Variants in SHANK2 observed in about 807,000 individuals in gnomAD.
SHANK2 encodes the protein SH3 and multiple ankyrin repeat domains protein 2.
Under a neutral mutation model 133.7 loss-of-function variants are expected in SHANK2, and 43 were observed. That is an observed-to-expected ratio of 0.32 (90% CI 0.25 to 0.41). The LOEUF (loss-of-function observed/expected upper bound fraction) is 0.41. Ranked by LOEUF, SHANK2 falls within the 10% of genes least tolerant of loss-of-function variation. The probability of loss-of-function intolerance (pLI) is 1.00; values close to 1 mark genes in which losing one functional copy is unlikely to be tolerated. For synonymous variants in SHANK2, 1,017 were observed against 952.8 expected (o/e 1.07, Z -1.24); for missense variants, 1,994 against 2,235.8 (o/e 0.89, Z 2.18).
intron 2 of SHANK2, among the ~76,000 whole-genome samples, chr11:71,151,841 C>A (rs1555108151): frequency 6.6e-6 from 1 of 152,082 alleles, no homozygotes; most frequent in Non-Finnish European, 1.5e-5. Context: ...TGTAGGAAGC[C>A]CCCCCTCAGT....
chr11:70,893,607 T>C (rs532621323), intron 11 of SHANK2, among the ~76,000 whole-genome samples: 1 of 152,398 alleles, frequency 6.6e-6, no homozygotes, highest in South Asian at 2.1e-4. Context: ...GCCAGTTTGC[T>C]AGTTCATAAT....
chr11:71,247,539 C>T (rs1555125185), intron 1 of SHANK2, among the ~76,000 whole-genome samples: 1 of 151,348 alleles, frequency 6.6e-6, no homozygotes. Context: ...AAGAGGCAGG[C>T]CCCAGCCCAG....
intron 14 of SHANK2, among the ~76,000 whole-genome samples, chr11:70,780,950 T>C (rs1489133758): frequency 2.0e-5 from 3 of 152,058 alleles, no homozygotes; most frequent in African/African-American, 7.2e-5. Context: ...GCAGGAGATT[T>C]CCCTCTTAAC....
intron 17 of SHANK2, among the ~76,000 whole-genome samples, chr11:70,596,008 G>A (rs57553253): frequency 0.16 from 24,272 of 152,212 alleles, 2,458 homozygotes; most frequent in East Asian, 0.39. Context: ...CCACCTCCAC[G>A]CCAAGGCATC....
At chr11:70,693,489 C>T (rs1461663185) in intron 15 of SHANK2, among the ~76,000 whole-genome samples, 1 of 152,132 alleles carries the variant, frequency 6.6e-6, no homozygotes, top group Non-Finnish European at 1.5e-5. Flanking sequence ...GAGACACTCC[C>T]TCCCTGGCAT....
In SHANK2 at chr11:71,093,998, G is replaced by A. The variant is rs576091896; in HGVS notation, c.744+539C>T. Among the ~76,000 whole-genome samples the A allele has an allele frequency of 1.2e-3, 185 of 152,234 alleles. 2 individuals carry two copies. Among genetic ancestry groups the A allele is most frequent in the African/African-American group, 4.1e-3 (172 of 41,538 alleles). On this transcript the variant is annotated intron_variant, in intron 7 of 25. Transcript: ENST00000601538. ...GAGCAGTAAGACAGCAGCAGGGGAA[G>A]GTGAGGCGCGGAACCCACAACAGGG... is the stretch of plus-strand genomic sequence containing the variant.
At chr11:71,224,351 T>C (rs964574715) in intron 2 of SHANK2, among the ~76,000 whole-genome samples, 8 of 151,942 alleles carry the variant, frequency 5.3e-5, no homozygotes, top group African/African-American at 1.9e-4. Context: ...CGCACCCCCG[T>C]TCATGTGAAA....
In SHANK2 at chr11:70,858,213, C is replaced by A. The variant is rs555805995; in HGVS notation, c.1175-37531G>T. Among the ~76,000 whole-genome samples the A allele has an allele frequency of 2.0e-5, 3 of 152,316 alleles. No homozygotes were observed. In the East Asian group the frequency reaches 5.8e-4, roughly 29 times the overall value. On this transcript the variant is annotated intron_variant, in intron 11 of 25. Transcript: ENST00000601538. ...TGCTTCCTGTCCCCTGTTCATAATCCATTTTAAATGAAGTCATCAAAATTC... is the reference window on the plus strand; with the variant it reads ...TGCTTCCTGTCCCCTGTTCATAATCAATTTTAAATGAAGTCATCAAAATTC...
At chr11:70,692,007 G>T (rs1945299855) in intron 15 of SHANK2, among the ~76,000 whole-genome samples, 1 of 152,306 alleles carries the variant, frequency 6.6e-6, no homozygotes, top group East Asian at 1.9e-4. Flanking sequence ...CGCCATGGGG[G>T]CTTCCAAATT....
chr11:71,086,015 TAACATATTA>T (rs1951398781), intron 8 of SHANK2, among the ~76,000 whole-genome samples: 3 of 86,180 alleles, frequency 3.5e-5, no homozygotes, highest in African/African-American at 1.5e-4. Flanking sequence ...TTATTATATA[TAACATATTA>T]TATGTTATAT....
chr11:70,898,311 C>CACACAT lies in SHANK2; in HGVS notation c.1108-1745_1108-1744insATGTGT, dbSNP rs1489858585. 2.3e-4 allele frequency among the ~76,000 whole-genome samples: 33 copies of CACACAT among 145,182 alleles called. No homozygotes were observed. The East Asian group carries it at 2.6e-3, about 11-fold the overall frequency. On this transcript the variant is annotated intron_variant, in intron 10 of 25. Coordinates refer to ENST00000601538, the MANE Select transcript of SHANK2 (RefSeq NM_012309.5). ...ACACACACACACACACACACACACACATATATATATGTGTATATATATATA... is the reference window on the plus strand; with the variant it reads ...ACACACACACACACACACACACACACACACATATATATATATGTGTATATATATATA...
chr11:71,210,210 G>GTATGTA (rs1954228075), intron 2 of SHANK2, among the ~76,000 whole-genome samples: 1 of 54,074 alleles, frequency 1.8e-5, no homozygotes, highest in East Asian at 1.1e-3. Flanking sequence ...AAATCCACAG[G>GTATGTA]TATATATATA....
Position 70,658,246 on chromosome 11 carries a change from GAC to G in SHANK2, c.2061+1580_2061+1581del, listed in dbSNP as rs1315015158. 7.5e-3 allele frequency among the ~76,000 whole-genome samples: 911 copies of G among 121,976 alleles called. 10 individuals are homozygous for G. The highest frequency in any genetic ancestry group is 0.022 in the African/African-American group (704 of 32,466). 80.0% of individuals were successfully genotyped at this position (121,976 alleles called of 152,430 possible). On this transcript the variant is annotated intron_variant, in intron 17 of 25. Transcript: ENST00000601538. ...ACACACACACACACACACACACACAGACACACACACACACACAGACACACACA... is the reference window on the plus strand; with the variant it reads ...ACACACACACACACACACACACACAGACACACACACACACAGACACACACA...
At chr11:70,935,873 C>A (rs11604375) in intron 10 of SHANK2, among the ~76,000 whole-genome samples, 1 of 152,114 alleles carries the variant, frequency 6.6e-6, no homozygotes, top group Non-Finnish European at 1.5e-5. Flanking sequence ...ACACCGCCCC[C>A]GCAAAGGTGA....
chr11:71,075,816 T>G (rs938520130), intron 8 of SHANK2, among the ~76,000 whole-genome samples: 1 of 152,244 alleles, frequency 6.6e-6, no homozygotes, highest in African/African-American at 2.4e-5. Flanking sequence ...AGCTCCTAAG[T>G]AAGTTGCAGG....
At chr11:71,112,078 A>G (rs532569621) in intron 5 of SHANK2, among the ~76,000 whole-genome samples, 2 of 152,344 alleles carry the variant, frequency 1.3e-5, no homozygotes, top group South Asian at 4.1e-4. Flanking sequence ...AATGATAATG[A>G]CAGATTAGAA....
chr11:70,629,570 A>T (rs2060953998), intron 17 of SHANK2, among the ~76,000 whole-genome samples: 1 of 151,998 alleles, frequency 6.6e-6, no homozygotes, highest in Non-Finnish European at 1.5e-5. Flanking sequence ...ATGAGCTGGC[A>T]AACACTGGGG....
intron 14 of SHANK2, among the ~76,000 whole-genome samples, chr11:70,718,089 T>C (rs996028267): frequency 2.6e-5 from 4 of 152,116 alleles, no homozygotes; most frequent in African/African-American, 9.7e-5. Flanking sequence ...CAGTCACTAG[T>C]CTAAATAAGT....
chr11:70,648,145 A>C (rs782097168), intron 17 of SHANK2, among the ~76,000 whole-genome samples: 41 of 152,226 alleles, frequency 2.7e-4, no homozygotes, highest in Non-Finnish European at 5.1e-4. Context: ...GAAAGAAGCC[A>C]GACAAAAGGT....
Sources: allele counts gnomAD v4.1 joint callset (sites outside exome capture counted in the v4.1 genomes callset), GRCh38; gene constraint gnomAD v4.1.1; transcripts MANE v1.5; gene names NCBI Gene and HGNC (gene_info 2026-07-23, HGNC 2026-07-21).